Variants in RGS22 observed in about 807,000 individuals in gnomAD.
RGS22 encodes the protein regulator of G protein signaling 22.
In RGS22, 148 loss-of-function variants were observed where a neutral mutation model predicts 172.9. The observed-to-expected ratio is 0.86, with a 90% CI of 0.75 to 0.98. The LOEUF is 0.98. RGS22 is among the 50% of genes least tolerant of loss of function. The probability of loss-of-function intolerance (pLI) is 0.00; values close to 1 mark genes in which losing one functional copy is unlikely to be tolerated. For synonymous variants in RGS22, 458 were observed against 480.2 expected (o/e 0.95, Z 0.60); for missense variants, 1,347 against 1,440.8 (o/e 0.93, Z 1.05).
intron 19 of RGS22, 58 bp downstream of exon 19, chr8:99,999,204 T>A (rs1178474749): frequency 6.8e-7 from 1 of 1,472,852 alleles, no homozygotes; most frequent in Non-Finnish European, 9.2e-7. Flanking sequence ...GGTATGTACA[T>A]TTGAAGTTTT....
intron 13 of RGS22, 38 bp downstream of exon 13, chr8:100,039,924 A>G: frequency 7.9e-7 from 1 of 1,270,680 alleles, no homozygotes; most frequent in Non-Finnish European, 1.0e-6. Flanking sequence ...TAAATGAAGT[A>G]AAATTATAAA....
intron 3 of RGS22, among the ~76,000 whole-genome samples, chr8:100,090,295 T>C (rs535738780): frequency 3.3e-5 from 5 of 152,270 alleles, no homozygotes; most frequent in South Asian, 2.1e-4. Context: ...AACACAGTTC[T>C]CTCACTCCTA....
intron 17 of RGS22, 86 bp from the exon 18 acceptor site, chr8:100,002,450 C>G: frequency 7.5e-7 from 1 of 1,333,616 alleles, no homozygotes; most frequent in African/African-American, 1.5e-5. Flanking sequence ...TTTGACAGAA[C>G]TTAGAAAGTG....
At chr8:100,062,132 C>T (rs1324594061) in intron 9 of RGS22, among the ~76,000 whole-genome samples, 1 of 151,974 alleles carries the variant, frequency 6.6e-6, no homozygotes, top group Non-Finnish European at 1.5e-5. Flanking sequence ...GAACAACACA[C>T]ACTGGGGCCT....
chr8:100,001,043 G>T (rs1755534781), intron 18 of RGS22, among the ~76,000 whole-genome samples: 1 of 150,870 alleles, frequency 6.6e-6, no homozygotes, highest in Non-Finnish European at 1.5e-5. Flanking sequence ...AAAAAAAAAT[G>T]ATAAACTATA....
intron 2 of RGS22, among the ~76,000 whole-genome samples, chr8:100,102,090 G>A (rs530696366): frequency 6.3e-4 from 96 of 152,206 alleles, no homozygotes; most frequent in African/African-American, 1.9e-3. Context: ...TATTCCAGCT[G>A]GCAGAAAAGA....
At chr8:100,089,479 C>T (rs1812406559) in intron 3 of RGS22, among the ~76,000 whole-genome samples, 1 of 152,076 alleles carries the variant, frequency 6.6e-6, no homozygotes, top group Admixed American at 6.6e-5. Context: ...CCATTTCACC[C>T]CTGCTACCCA....
intron 20 of RGS22, among the ~76,000 whole-genome samples, chr8:99,989,897 TAG>T (rs1491256365): frequency 6.1e-4 from 92 of 150,582 alleles, no homozygotes; most frequent in Non-Finnish European, 7.4e-5. Flanking sequence ...GATAGATAGA[TAG>T]ATAGATATAG....
intron 23 of RGS22, among the ~76,000 whole-genome samples, chr8:99,969,668 C>A (rs1811124606): frequency 6.6e-6 from 1 of 152,120 alleles, no homozygotes; most frequent in Non-Finnish European, 1.5e-5. Flanking sequence ...ATCAATGCAA[C>A]AAGAAGAGCT....
chr8:100,081,366 A>G (rs902330846), intron 3 of RGS22, among the ~76,000 whole-genome samples: 3 of 147,654 alleles, frequency 2.0e-5, no homozygotes, highest in South Asian at 2.1e-4. Context: ...GTGTATGTAT[A>G]TATATATATA....
At chr8:100,022,012 GA>G (rs1404996349) in intron 14 of RGS22, among the ~76,000 whole-genome samples, 1 of 152,052 alleles carries the variant, frequency 6.6e-6, no homozygotes, top group African/African-American at 2.4e-5. Context: ...GCAAAAGGAG[GA>G]AAAAATGATG....
chr8:100,019,165 T>G (rs1817335565), intron 14 of RGS22, among the ~76,000 whole-genome samples: 1 of 152,238 alleles, frequency 6.6e-6, no homozygotes, highest in South Asian at 2.1e-4. Context: ...GGAAGGCATC[T>G]TTTCCATAAG....
At chr8:100,016,311 A>G (rs750920329) in intron 14 of RGS22, among the ~76,000 whole-genome samples, 7 of 152,176 alleles carry the variant, frequency 4.6e-5, no homozygotes, top group Non-Finnish European at 8.8e-5. Flanking sequence ...AGCAGAGGGG[A>G]GGAAAAAAGA....
rs1810341364 is a variant in RGS22 at position 100,063,841 on chromosome 8, G to A, written c.927C>T (p.Phe309=). The A allele has an allele frequency of 6.2e-7, 1 of 1,610,306 alleles. No homozygotes were observed. The highest frequency in any genetic ancestry group is 8.5e-7 in the Non-Finnish European group (1 of 1,178,998). The stretch of plus-strand genomic sequence containing the variant: ...AGCTTAAAAATTCTTCACATGTTGA[G>A]AAATGCATTGTCAGGCTTTCATCAA... ...QDVDESLTMH[F]STCEEFLSSY... Residue 309 remains phenylalanine, a synonymous_variant, in exon 8 of 28, where the codon TTC becomes TTT. Transcript: ENST00000360863.
intron 14 of RGS22, among the ~76,000 whole-genome samples, chr8:100,014,499 C>G (rs1054349244): frequency 2.0e-5 from 3 of 152,162 alleles, no homozygotes; most frequent in East Asian, 1.9e-4. Context: ...ACATAATCGC[C>G]AATTCAATAG....
intron 7 of RGS22, among the ~76,000 whole-genome samples, chr8:100,065,861 A>G (rs1424266531): frequency 6.6e-6 from 1 of 152,176 alleles, no homozygotes; most frequent in East Asian, 1.9e-4. Context: ...GCACCAGGCC[A>G]GGCATTTTCT....
intron 3 of RGS22, among the ~76,000 whole-genome samples, chr8:100,092,567 C>A (rs189690147): frequency 1.4e-4 from 21 of 152,242 alleles, no homozygotes; most frequent in African/African-American, 4.8e-4. Flanking sequence ...GTGAGGTCAG[C>A]GCCCCTCTTT....
intron 17 of RGS22, among the ~76,000 whole-genome samples, chr8:100,003,339 AG>A (rs1414057035): frequency 1.3e-5 from 2 of 151,882 alleles, no homozygotes; most frequent in Non-Finnish European, 2.9e-5. Flanking sequence ...ATAAAAAGAT[AG>A]AAAAATCCTC....
rs1821438172 is a variant in RGS22, at chr8:100,051,684, T to TATATATACGTATATATAA, written c.1689+1117_1689+1118insTTATATATACGTATATAT. ...ATATATATTTATATATGTTTATACA[T>TATATATACGTATATATAA]ATATATATTTATATATACGTATATA... is the stretch of plus-strand genomic sequence containing the variant. On this transcript the variant is annotated intron_variant, in intron 10 of 27. Coordinates refer to ENST00000360863, the MANE Select transcript of RGS22 (RefSeq NM_015668.5). 1.0e-4 allele frequency among the ~76,000 whole-genome samples: 3 copies of TATATATACGTATATATAA among 29,876 alleles called. 1 individual carries two copies. The East Asian group carries it at 3.6e-3, about 36-fold the overall frequency. The allele number at this position is 29,876 out of a possible 152,430, so 19.6% of individuals were successfully genotyped here.
Sources: allele counts gnomAD v4.1 joint callset (sites outside exome capture counted in the v4.1 genomes callset), GRCh38; gene constraint gnomAD v4.1.1; transcripts MANE v1.5; gene names NCBI Gene and HGNC (gene_info 2026-07-23, HGNC 2026-07-21).